CPQ: variants seen among roughly 807,000 people sequenced by gnomAD.
CPQ encodes carboxypeptidase Q, also known as Ser-Met dipeptidase.
A neutral mutation model predicts 45.7 loss-of-function variants in CPQ; 37 were observed. The observed-to-expected ratio is 0.81, with a 90% CI of 0.62 to 1.07. The LOEUF is 1.07. CPQ is among the 50% of genes least tolerant of loss of function. CPQ has a pLI of 0.00. For synonymous variants in CPQ, 186 were observed against 205.8 expected, an observed-to-expected ratio of 0.90 and a Z score of 0.82; for missense variants, 537 against 572.9, an observed-to-expected ratio of 0.94 and a Z score of 0.64.
At chr8:96,907,833 A>T (rs1038782377) in intron 4 of CPQ, among the ~76,000 whole-genome samples, 7 of 152,150 alleles carry the variant, frequency 4.6e-5, no homozygotes, top group Non-Finnish European at 1.0e-4. Context: ...TCCTACTGTT[A>T]ATAAATGTGC....
chr8:97,120,156 C>T (rs61219396), intron 7 of CPQ, among the ~76,000 whole-genome samples: 41,620 of 152,070 alleles, frequency 0.27, 6,185 homozygotes, highest in Non-Finnish European at 0.34. Flanking sequence ...CCCCTCAAAC[C>T]TCTAGGGAGG....
chr8:97,108,653 G>A lies in CPQ; in HGVS notation c.1256-34367G>A, dbSNP rs560819479. 2.0e-5 allele frequency among the ~76,000 whole-genome samples: 3 copies of A among 152,318 alleles called. No individual in the cohort carries two copies. The East Asian group carries it at 5.8e-4, about 29-fold the overall frequency. ...ACCTGATTGGAAGGAAGTCACCGGGGAGGGGATGGTGAGATGACGCACTAA... is the reference window on the plus strand; with the variant it reads ...ACCTGATTGGAAGGAAGTCACCGGGAAGGGGATGGTGAGATGACGCACTAA... On this transcript the variant is annotated intron_variant, in intron 7 of 7. Transcript: ENST00000220763.
At chr8:97,019,812 T>C (rs1025731567) in intron 5 of CPQ, among the ~76,000 whole-genome samples, 1 of 152,094 alleles carries the variant, frequency 6.6e-6, no homozygotes, top group Non-Finnish European at 1.5e-5. Flanking sequence ...CACTAGACAG[T>C]TCATCAACAC....
chr8:97,098,465 C>G (rs553685838), intron 7 of CPQ, among the ~76,000 whole-genome samples: 1 of 152,298 alleles, frequency 6.6e-6, no homozygotes, highest in East Asian at 1.9e-4. Flanking sequence ...CAACTCTCAG[C>G]AGAAGCCCTG....
chr8:96,680,143 T>C (rs1809130288), intron 1 of CPQ, among the ~76,000 whole-genome samples: 1 of 152,244 alleles, frequency 6.6e-6, no homozygotes, highest in African/African-American at 2.4e-5. Flanking sequence ...TCCAGAAATA[T>C]TTTAATTTCC....
At chr8:97,002,367 G>C (rs2130426461) in intron 5 of CPQ, among the ~76,000 whole-genome samples, 1 of 152,098 alleles carries the variant, frequency 6.6e-6, no homozygotes, top group East Asian at 1.9e-4. Flanking sequence ...TTGTTAACTT[G>C]AGATCTTTCT....
chr8:96,990,887 C>T (rs144668730), intron 5 of CPQ, among the ~76,000 whole-genome samples: 616 of 152,268 alleles, frequency 4.0e-3, no homozygotes, highest in African/African-American at 0.013. Context: ...AGCAAAGGAG[C>T]TTCTGTGAGT....
chr8:96,965,378 T>C (rs976261964), intron 4 of CPQ, among the ~76,000 whole-genome samples: 31 of 146,020 alleles, frequency 2.1e-4, no homozygotes, highest in Admixed American at 8.8e-4. Flanking sequence ...TTTTCTTTTT[T>C]TTTTTTTTTT....
In CPQ at chr8:97,010,932, A is replaced by C. The variant is rs568839878; in HGVS notation, c.962-18471A>C. Among the ~76,000 whole-genome samples, 72 of 152,146 alleles carry C rather than the reference A, an allele frequency of 4.7e-4. 1 individual carries two copies. Among genetic ancestry groups the C allele is most frequent in the African/African-American group, 1.7e-3 (70 of 41,508 alleles). ...TCATCTTGACAGTAATATTTTTCTG[A>C]TATTTGAAAAGCCCCATGATTTTTC... is the stretch of plus-strand genomic sequence containing the variant. On this transcript the variant is annotated intron_variant, in intron 5 of 7. Transcript: ENST00000220763.
intron 7 of CPQ, among the ~76,000 whole-genome samples, chr8:97,129,958 T>C (rs936324639): frequency 6.6e-6 from 1 of 152,212 alleles, no homozygotes; most frequent in Non-Finnish European, 1.5e-5. Flanking sequence ...CAAGTCCTGC[T>C]GCACTAGTCG....
At position 97,053,054 on chromosome 8, in the gene CPQ, C is replaced by G. The variant is rs558616010; in HGVS notation, c.1054-12955C>G. Among the ~76,000 whole-genome samples the G allele has an allele frequency of 3.3e-5, 5 of 152,308 alleles. No homozygotes were observed. The South Asian group carries it at 1.0e-3, about 32-fold the overall frequency. Reference sequence around the variant, plus strand: ...CCAACATGAGTAACCACATCATCATCATCAACATAATCATTATCTTCACCA... The same window carrying G: ...CCAACATGAGTAACCACATCATCATGATCAACATAATCATTATCTTCACCA... On this transcript the variant is annotated intron_variant, in intron 6 of 7. Coordinates refer to ENST00000220763, the MANE Select transcript of CPQ (RefSeq NM_016134.4).
chr8:96,846,774 G>C (rs1162644311), intron 3 of CPQ, among the ~76,000 whole-genome samples: 1 of 152,096 alleles, frequency 6.6e-6, no homozygotes, highest in African/African-American at 2.4e-5. Flanking sequence ...TCCATATTCA[G>C]ATTTTCCCAA....
rs1563593518 is a variant in CPQ, at chr8:97,143,171, G to A, written c.1407G>A (p.Leu469=). ...SYVVADMEEM[L]PRS is the part of the protein sequence containing the mutation. ...TTGTTGCAGACATGGAAGAAATGCT[G>A]CCTAGGTCCTAGAAACAGTAAGAAA... Residue 469 remains leucine (L), a synonymous_variant, in exon 8 of 8, where the codon CTG becomes CTA. Coordinates refer to ENST00000220763, the MANE Select transcript of CPQ (RefSeq NM_016134.4). 2.5e-6 allele frequency: 4 copies of A among 1,613,750 alleles called. No individual in the cohort carries two copies. The highest frequency in any genetic ancestry group is 2.7e-5 in the African/African-American group (2 of 74,880).
At chr8:96,919,664 T>A (rs1316228480) in intron 4 of CPQ, among the ~76,000 whole-genome samples, 2 of 152,174 alleles carry the variant, frequency 1.3e-5, no homozygotes, top group African/African-American at 4.8e-5. Context: ...TAGAAAAGAT[T>A]GGAAGAAATT....
intron 5 of CPQ, among the ~76,000 whole-genome samples, chr8:96,974,918 A>C (rs969583301): frequency 2.6e-5 from 4 of 152,168 alleles, no homozygotes; most frequent in African/African-American, 9.7e-5. Context: ...AATCTGAAAG[A>C]GAACCAATAG....
At chr8:97,123,148 TAAATA>T (rs749303830) in intron 7 of CPQ, among the ~76,000 whole-genome samples, 695 of 20,406 alleles carry the variant, frequency 0.034, 65 homozygotes, top group African/African-American at 0.071. Context: ...TAAAATAAAA[TAAATA>T]AAATAAAATA....
chr8:96,780,263 T>G (rs1810669632), intron 1 of CPQ, among the ~76,000 whole-genome samples: 1 of 152,184 alleles, frequency 6.6e-6, no homozygotes, highest in African/African-American at 2.4e-5. Flanking sequence ...TCTGGGGTGT[T>G]GTTTAGTGAG....
intron 1 of CPQ, among the ~76,000 whole-genome samples, chr8:96,759,128 G>C (rs2130790355): frequency 6.6e-6 from 1 of 152,288 alleles, no homozygotes; most frequent in East Asian, 1.9e-4. Context: ...TATGCCACCT[G>C]TCTTGTCTCC....
At chr8:97,043,109 G>A (rs1443075883) in intron 6 of CPQ, among the ~76,000 whole-genome samples, 1 of 152,138 alleles carries the variant, frequency 6.6e-6, no homozygotes, top group Non-Finnish European at 1.5e-5. Context: ...CATTATTAAT[G>A]TGTGGGAGTC....
Sources: allele counts gnomAD v4.1 joint callset (sites outside exome capture counted in the v4.1 genomes callset), GRCh38; gene constraint gnomAD v4.1.1; transcripts MANE v1.5; gene names NCBI Gene and HGNC (gene_info 2026-07-23, HGNC 2026-07-21).